The following SMAD2 variants were observed in gnomAD, a reference collection of about 807,000 sequenced individuals.
SMAD2 encodes the protein SMAD family member 2.
A neutral mutation model predicts 64.4 loss-of-function variants in SMAD2; 8 were observed. The ratio of observed to expected loss-of-function variants is 0.12; its 90% CI spans 0.07 to 0.22. SMAD2 has a LOEUF of 0.22. Among genes scored for constraint, SMAD2 ranks in the 10% least tolerant of loss-of-function variants. The pLI is 1.00. For synonymous variants in SMAD2, 203 were observed against 195.8 expected (o/e 1.04, Z -0.31); for missense variants, 289 against 561.2 (o/e 0.51, Z 4.90).
In SMAD2 at chr18:47,828,603, C is replaced by T. The variant is rs1568016742; in HGVS notation, c.*13224G>A. ...TCTGTACTAGGAAAAATTCTTCTGC[C>T]TTGGGATGCTGTTAATCTATAACCT... On this transcript the variant is annotated 3_prime_UTR_variant, in exon 11 of 11. Transcript: ENST00000262160. 6.1e-6 allele frequency: 1 copy of T among 163,224 alleles called. No individual in the cohort carries two copies. Among genetic ancestry groups the T allele is most frequent in the African/African-American group, 2.4e-5 (1 of 41,550 alleles). 10.1% of individuals were successfully genotyped at this position (163,224 alleles called of 1,614,324 possible).
chr18:47,912,755 T>G (rs1387679514), intron 1 of SMAD2, among the ~76,000 whole-genome samples: 1 of 143,246 alleles, frequency 7.0e-6, no homozygotes, highest in African/African-American at 2.6e-5. Context: ...AAAAGCAAAA[T>G]AAAAGAATCT....
Position 47,837,257 on chromosome 18 carries a change from T to C in SMAD2, c.*4570A>G. On this transcript the variant is annotated 3_prime_UTR_variant, in exon 11 of 11. Coordinates refer to ENST00000262160, the MANE Select transcript of SMAD2 (RefSeq NM_005901.6). ...AGTTCAAAGGAGAGAAACATTCTGA[T>C]ATATGCAGATAAAAATATGGCTAGG... is the stretch of plus-strand genomic sequence containing the variant. 1.0e-5 allele frequency: 2 copies of C among 195,846 alleles called. No individual in the cohort carries two copies. The highest frequency in any genetic ancestry group is 8.0e-5 in the East Asian group (1 of 12,476). The allele number at this position is 195,846 out of a possible 1,614,324, so 12.1% of individuals were successfully genotyped here. A position where few individuals can be genotyped will look rare whatever the true frequency, so the allele number is the denominator to read the frequency against.
At chr18:47,876,580 C>A (rs2032276247) in intron 2 of SMAD2, among the ~76,000 whole-genome samples, 1 of 151,972 alleles carries the variant, frequency 6.6e-6, no homozygotes, top group Non-Finnish European at 1.5e-5. Context: ...CATAAACATA[C>A]TAATATAGCA....
intron 6 of SMAD2, among the ~76,000 whole-genome samples, chr18:47,855,800 T>C (rs1383050019): frequency 6.6e-6 from 1 of 152,088 alleles, no homozygotes; most frequent in East Asian, 1.9e-4. Flanking sequence ...TTCAGTTTTG[T>C]TTTTTAATTC....
At chr18:47,898,094 A>G (rs894490800) in intron 1 of SMAD2, among the ~76,000 whole-genome samples, 6 of 152,186 alleles carry the variant, frequency 3.9e-5, no homozygotes, top group Admixed American at 3.9e-4. Context: ...AACGTAGAGG[A>G]GGAAGTACAA....
intron 1 of SMAD2, among the ~76,000 whole-genome samples, chr18:47,926,633 T>C (rs2034777304): frequency 1.3e-5 from 2 of 152,316 alleles, no homozygotes; most frequent in South Asian, 4.1e-4. Context: ...TGCCAACACA[T>C]TCTTATTAAG....
Position 47,837,667 on chromosome 18 carries a change from G to A in SMAD2, c.*4160C>T, listed in dbSNP as rs183642985. 803 of 232,464 alleles carry A rather than the reference G, an allele frequency of 3.5e-3. 7 individuals carry two copies. Among genetic ancestry groups the A allele is most frequent in the Middle Eastern group, 0.013 (10 of 780 alleles). 14.4% of individuals were successfully genotyped at this position (232,464 alleles called of 1,614,324 possible). On this transcript the variant is annotated 3_prime_UTR_variant, in exon 11 of 11. Coordinates refer to ENST00000262160, the MANE Select transcript of SMAD2 (RefSeq NM_005901.6). ...GGTAGAAAGGAAGAATAAAATTCAGGCAATGAATATAATAGATTTAGCAAA... is the reference window on the plus strand; with the variant it reads ...GGTAGAAAGGAAGAATAAAATTCAGACAATGAATATAATAGATTTAGCAAA...
rs1351021301 is a variant in SMAD2, at chr18:47,839,138, GTA to G, written c.*2687_*2688del. The G allele has an allele frequency of 4.3e-6, 1 of 233,152 alleles. No homozygotes were observed. The highest frequency in any genetic ancestry group is 8.5e-6 in the Non-Finnish European group (1 of 118,028). The allele number at this position is 233,152 out of a possible 1,614,324, so 14.4% of individuals were successfully genotyped here. ...AACCAGGAAGTAAACTGCTCAACAG[GTA>G]TAACTGCTCAATAGGTGTTTTCAAA... On this transcript the variant is annotated 3_prime_UTR_variant, in exon 11 of 11. Coordinates refer to ENST00000262160, the MANE Select transcript of SMAD2 (RefSeq NM_005901.6).
chr18:47,866,897 C>A (rs2031603658), intron 5 of SMAD2: 2 of 152,212 alleles, frequency 1.3e-5, no homozygotes, highest in Admixed American at 6.5e-5. Flanking sequence ...GCCCAAACAT[C>A]TTCACAAGTG....
At chr18:47,861,718 C>CA (rs1425968646) in intron 6 of SMAD2, among the ~76,000 whole-genome samples, 1 of 152,188 alleles carries the variant, frequency 6.6e-6, no homozygotes, top group African/African-American at 2.4e-5. Flanking sequence ...TCCTAAACCA[C>CA]AAAAATCAAG....
intron 1 of SMAD2, among the ~76,000 whole-genome samples, chr18:47,926,896 G>A (rs2034788897): frequency 6.6e-6 from 1 of 152,080 alleles, no homozygotes; most frequent in Admixed American, 6.5e-5. Context: ...TGAATAAGAG[G>A]AAGGGGTTAG....
intron 1 of SMAD2, among the ~76,000 whole-genome samples, chr18:47,908,635 A>C (rs1169264021): frequency 1.3e-5 from 2 of 152,226 alleles, no homozygotes; most frequent in Admixed American, 1.3e-4. Flanking sequence ...GAGAAATGTA[A>C]ACATTCAGAT....
In SMAD2 at chr18:47,829,588, A is replaced by T. The variant is rs1912908028; in HGVS notation, c.*12239T>A. 6.7e-6 allele frequency: 1 copy of T among 148,900 alleles called. No homozygotes were observed. Among genetic ancestry groups the T allele is most frequent in the Non-Finnish European group, 1.5e-5 (1 of 67,596 alleles). 9.2% of individuals were successfully genotyped at this position (148,900 alleles called of 1,614,324 possible). On this transcript the variant is annotated 3_prime_UTR_variant, in exon 11 of 11. Coordinates refer to ENST00000262160, the MANE Select transcript of SMAD2 (RefSeq NM_005901.6). ...TTAAAGTAATCAATTAGGTATTCTA[A>T]AAGAAGGCAGTTTTCTAGGGGTTTA...
chr18:47,845,258 C>A (rs528558604), intron 10 of SMAD2, 82 bp downstream of exon 10: 1 of 1,345,978 alleles, frequency 7.4e-7, no homozygotes, highest in Middle Eastern at 1.8e-4. Context: ...AAAATAGATA[C>A]AAATGAACTC....
intron 6 of SMAD2, among the ~76,000 whole-genome samples, chr18:47,862,340 T>C (rs1184779413): frequency 6.6e-6 from 1 of 152,194 alleles, no homozygotes; most frequent in Non-Finnish European, 1.5e-5. Context: ...AACAGAAATT[T>C]ATTTTTTCAG....
rs1324593845 is a variant in SMAD2, at chr18:47,826,651, A to C, written c.*15176T>G. ...AGCCGAAATCACTTATCTAATTCAT[A>C]AACTGTTTATTGCTGCACACCACTG... On this transcript the variant is annotated 3_prime_UTR_variant, in exon 11 of 11. Transcript: ENST00000262160. 1 of 152,240 alleles carries C rather than the reference A, an allele frequency of 6.6e-6. No homozygotes were observed. 9.4% of individuals were successfully genotyped at this position (152,240 alleles called of 1,614,324 possible).
intron 1 of SMAD2, among the ~76,000 whole-genome samples, chr18:47,921,930 TAAAG>T (rs1168964097): frequency 1.3e-5 from 2 of 152,150 alleles, no homozygotes; most frequent in African/African-American, 4.8e-5. Flanking sequence ...GAAATTTAGA[TAAAG>T]ACAGTATAAA....
chr18:47,924,743 G>T (rs139538153), intron 1 of SMAD2, among the ~76,000 whole-genome samples: 2,315 of 152,268 alleles, frequency 0.015, 61 homozygotes, highest in African/African-American at 0.053. Flanking sequence ...GATTACAGGC[G>T]TGAGCCACTG....
At chr18:47,908,679 G>C (rs994145863) in intron 1 of SMAD2, among the ~76,000 whole-genome samples, 1 of 151,900 alleles carries the variant, frequency 6.6e-6, no homozygotes. Flanking sequence ...TAAAATTAAC[G>C]GTAGTACATA....
Sources: allele counts gnomAD v4.1 joint callset (sites outside exome capture counted in the v4.1 genomes callset), GRCh38; gene constraint gnomAD v4.1.1; transcripts MANE v1.5; gene names NCBI Gene and HGNC (gene_info 2026-07-23, HGNC 2026-07-21).